KIAA1549L: variants seen among roughly 807,000 people sequenced by gnomAD.
KIAA1549L encodes the protein KIAA1549 like, also known as UPF0606 protein KIAA1549L.
KIAA1549L carries 88 observed loss-of-function variants against 160.7 expected under a neutral mutation model. The observed-to-expected ratio is 0.55, with a 90% CI of 0.46 to 0.65. The LOEUF is 0.65. Ranked by LOEUF, KIAA1549L falls within the 30% of genes least tolerant of loss-of-function variation. The pLI is 0.00. For missense variants in KIAA1549L, 2,258 were observed against 2,437.5 expected, an observed-to-expected ratio of 0.93 and a Z score of 1.55; for synonymous variants, 950 against 976.7, an observed-to-expected ratio of 0.97 and a Z score of 0.51.
At chr11:33,435,818 G>GTGTGTGTGTGTGTATATA in intron 1 of KIAA1549L, among the ~76,000 whole-genome samples, 1 of 45,324 alleles carries the variant, frequency 2.2e-5, no homozygotes, top group Admixed American at 2.5e-4. Context: ...ATATGTGTGT[G>GTGTGTGTGTGTGTATATA]TATATATATA....
At chr11:33,425,677 C>T (rs186324004) in intron 1 of KIAA1549L, among the ~76,000 whole-genome samples, 13 of 152,296 alleles carry the variant, frequency 8.5e-5, no homozygotes, top group Admixed American at 2.6e-4. Context: ...CTTATTTCCG[C>T]TATTATTAGG....
At chr11:33,405,734 C>T (rs1850634153) in intron 1 of KIAA1549L, among the ~76,000 whole-genome samples, 1 of 147,224 alleles carries the variant, frequency 6.8e-6, no homozygotes, top group Non-Finnish European at 1.5e-5. Flanking sequence ...CCCAGCTACT[C>T]AATAGGCTGA....
At chr11:33,607,888 T>A (rs537958157) in intron 14 of KIAA1549L, among the ~76,000 whole-genome samples, 1 of 152,186 alleles carries the variant, frequency 6.6e-6, no homozygotes, top group African/African-American at 2.4e-5. Context: ...TTAAAAAAAA[T>A]AACTGGTTGT....
chr11:33,431,952 G>A (rs1311569778), intron 1 of KIAA1549L, among the ~76,000 whole-genome samples: 1 of 152,248 alleles, frequency 6.6e-6, no homozygotes, highest in Non-Finnish European at 1.5e-5. Flanking sequence ...GCACTGCTGG[G>A]GGACCCAGTA....
chr11:33,555,610 C>G (rs1019915824), intron 6 of KIAA1549L, among the ~76,000 whole-genome samples: 3 of 152,110 alleles, frequency 2.0e-5, no homozygotes, highest in Non-Finnish European at 2.9e-5. Context: ...CACATGTGAT[C>G]CCAAAAGAAT....
At chr11:33,453,331 G>A (rs1851759010) in intron 1 of KIAA1549L, among the ~76,000 whole-genome samples, 1 of 152,200 alleles carries the variant, frequency 6.6e-6, no homozygotes, top group Admixed American at 6.5e-5. Context: ...GACTAGGGTA[G>A]GGAATGGAGG....
intron 1 of KIAA1549L, among the ~76,000 whole-genome samples, chr11:33,390,748 T>C (rs1335828909): frequency 6.6e-6 from 1 of 152,226 alleles, no homozygotes; most frequent in African/African-American, 2.4e-5. Flanking sequence ...CACATGTTGG[T>C]AAGCTTGTTC....
In KIAA1549L at chr11:33,574,688, T is replaced by C; in HGVS notation, c.4231-14T>C. 1 of 1,604,262 alleles carries C rather than the reference T, an allele frequency of 6.2e-7. No individual in the cohort carries two copies. Among genetic ancestry groups the C allele is most frequent in the Non-Finnish European group, 8.5e-7 (1 of 1,173,128 alleles). ...AAATGCCCTGCAAACACTCGGCCTC[T>C]CTTTTTCCGAAAGATGGTGAAGATG... On this transcript the variant is annotated splice_polypyrimidine_tract_variant and intron_variant, in intron 9 of 20. Coordinates refer to ENST00000658780, the MANE Select transcript of KIAA1549L (RefSeq NM_012194.3).
At chr11:33,625,634 G>GT (rs1015740209) in intron 16 of KIAA1549L, among the ~76,000 whole-genome samples, 3 of 151,810 alleles carry the variant, frequency 2.0e-5, no homozygotes, top group African/African-American at 7.3e-5. Context: ...AATTTGTTGA[G>GT]TTCATTGTAG....
At chr11:33,510,697 A>G (rs1853208671) in intron 1 of KIAA1549L, among the ~76,000 whole-genome samples, 1 of 152,256 alleles carries the variant, frequency 6.6e-6, no homozygotes, top group Admixed American at 6.5e-5. Context: ...TACTTCTGCA[A>G]ATCACCTAAC....
chr11:33,447,583 C>G (rs1174052474), intron 1 of KIAA1549L, among the ~76,000 whole-genome samples: 1 of 147,300 alleles, frequency 6.8e-6, no homozygotes, highest in Non-Finnish European at 1.5e-5. Flanking sequence ...TCCCACCTAT[C>G]TAGTCAGTTT....
At chr11:33,626,159 G>A in intron 16 of KIAA1549L, among the ~76,000 whole-genome samples, 1 of 147,178 alleles carries the variant, frequency 6.8e-6, no homozygotes, top group African/African-American at 2.6e-5. Context: ...TTTGGTTACT[G>A]TAGCCTTGTA....
chr11:33,506,751 CA>C (rs1565162685), intron 1 of KIAA1549L, among the ~76,000 whole-genome samples: 3 of 150,036 alleles, frequency 2.0e-5, no homozygotes, highest in Admixed American at 2.0e-4. Flanking sequence ...CAACAAAAAA[CA>C]TTCAGATGAA....
At chr11:33,604,321 G>A (rs765391775) in intron 13 of KIAA1549L, among the ~76,000 whole-genome samples, 1 of 152,186 alleles carries the variant, frequency 6.6e-6, no homozygotes, top group Non-Finnish European at 1.5e-5. Context: ...TGGCATGGAT[G>A]TGGTGAAAAG....
Position 33,550,022 on chromosome 11 carries a change from A to C in KIAA1549L, c.3502-1018A>C, listed in dbSNP as rs370867018. Among the ~76,000 whole-genome samples the C allele has an allele frequency of 1.0e-4, 15 of 145,042 alleles. No individual in the cohort carries two copies. The South Asian group carries it at 1.1e-3, about 10-fold the overall frequency. ...CCTGTCAAAAAAACAAAAAACAAAA[A>C]AAACAAACAAAAAAAGAAACAAAAA... On this transcript the variant is annotated intron_variant, in intron 4 of 20. Transcript: ENST00000658780.
intron 16 of KIAA1549L, among the ~76,000 whole-genome samples, chr11:33,641,608 A>G (rs192710028): frequency 5.9e-4 from 19 of 32,204 alleles, no homozygotes; most frequent in African/African-American, 4.8e-3. Flanking sequence ...ATATATATAT[A>G]TATATATATA....
At chr11:33,379,179 G>C (rs530266114) in intron 1 of KIAA1549L, among the ~76,000 whole-genome samples, 10 of 152,262 alleles carry the variant, frequency 6.6e-5, no homozygotes, top group Admixed American at 6.5e-4. Context: ...CATTTGTCTT[G>C]GTTGAAAAAT....
intron 16 of KIAA1549L, among the ~76,000 whole-genome samples, chr11:33,622,917 C>T (rs1851000092): frequency 6.6e-6 from 1 of 152,164 alleles, no homozygotes; most frequent in African/African-American, 2.4e-5. Context: ...TATAGGCTGA[C>T]AGTGCACCCA....
At chr11:33,431,977 A>G (rs1185329653) in intron 1 of KIAA1549L, among the ~76,000 whole-genome samples, 1 of 152,216 alleles carries the variant, frequency 6.6e-6, no homozygotes, top group Non-Finnish European at 1.5e-5. Context: ...CTCCGTAGCC[A>G]CTGGCCCGGG....
Sources: gnomAD v4.1 joint callset for allele counts (sites outside exome capture counted in the v4.1 genomes callset) on GRCh38, gnomAD v4.1.1 for gene constraint, MANE v1.5 for transcripts, NCBI Gene and HGNC (gene_info 2026-07-23, HGNC 2026-07-21) for gene names.